CDS2: variants seen among roughly 807,000 people sequenced by gnomAD.
CDS2 encodes CDP-diacylglycerol synthase 2.
A neutral mutation model predicts 59.0 loss-of-function variants in CDS2; 47 were observed. That is an observed-to-expected ratio of 0.80 (90% CI 0.63 to 1.02). The LOEUF (loss-of-function observed/expected upper bound fraction) is 1.02. CDS2 is among the 50% of genes least tolerant of loss of function. CDS2 has a pLI of 0.00. For missense variants in CDS2, 356 were observed against 558.9 expected, an observed-to-expected ratio of 0.64 and a Z score of 3.66; for synonymous variants, 207 against 206.4, an observed-to-expected ratio of 1.00 and a Z score of -0.02.
chr20:5,153,857 C>CT (rs2090811701), intron 1 of CDS2, among the ~76,000 whole-genome samples: 1 of 152,156 alleles, frequency 6.6e-6, no homozygotes, highest in Non-Finnish European at 1.5e-5. Flanking sequence ...GTTTTTGTGA[C>CT]TGAGTCAGAG....
In CDS2 at chr20:5,193,296, A is replaced by T. The variant is rs1341284212; in HGVS notation, c.*3062A>T. On this transcript the variant is annotated 3_prime_UTR_variant, in exon 13 of 13. Transcript: ENST00000460006. ...CATTTTAGTAGCTACAGTATTTTGC[A>T]TTTAAAATGTAATTACTCTTAGTAT... 6.6e-6 allele frequency: 1 copy of T among 152,228 alleles called. No homozygotes were observed. Among genetic ancestry groups the T allele is most frequent in the Non-Finnish European group, 1.5e-5 (1 of 68,034 alleles). The allele number at this position is 152,228 out of a possible 1,614,324, so 9.4% of individuals were successfully genotyped here. A position where few individuals can be genotyped will look rare whatever the true frequency, so the allele number is the denominator to read the frequency against.
intron 1 of CDS2, among the ~76,000 whole-genome samples, chr20:5,163,073 G>A (rs2090886833): frequency 6.6e-6 from 1 of 152,164 alleles, no homozygotes; most frequent in South Asian, 2.1e-4. Context: ...GCCAGGTACT[G>A]TGGCTCATGC....
intron 1 of CDS2, among the ~76,000 whole-genome samples, chr20:5,161,864 A>C (rs936579352): frequency 1.3e-5 from 2 of 152,158 alleles, no homozygotes; most frequent in African/African-American, 4.8e-5. Context: ...CTTGGCCTCT[A>C]AGTAAAGTTT....
rs926429109 is a variant in CDS2, at chr20:5,192,868, C to T, written c.*2634C>T. The T allele has an allele frequency of 1.3e-5, 2 of 152,210 alleles. No homozygotes were observed. Among genetic ancestry groups the T allele is most frequent in the African/African-American group, 4.8e-5 (2 of 41,452 alleles). The allele number at this position is 152,210 out of a possible 1,614,324, so 9.4% of individuals were successfully genotyped here. A position where few individuals can be genotyped will look rare whatever the true frequency, so the allele number is the denominator to read the frequency against. On this transcript the variant is annotated 3_prime_UTR_variant, in exon 13 of 13. Coordinates refer to ENST00000460006, the MANE Select transcript of CDS2 (RefSeq NM_003818.4). ...CACCTTACCAGGCAGGGAGCTTCCCCAGGATAGTGTGGTGGAGTCAGGACT... is the reference window on the plus strand; with the variant it reads ...CACCTTACCAGGCAGGGAGCTTCCCTAGGATAGTGTGGTGGAGTCAGGACT...
chr20:5,168,439 G>GAAAA (rs11287231), intron 1 of CDS2, among the ~76,000 whole-genome samples: 6 of 136,566 alleles, frequency 4.4e-5, no homozygotes, highest in African/African-American at 1.1e-4. Flanking sequence ...AAAAAGAAAA[G>GAAAA]AAAAAAAAAA....
intron 1 of CDS2, among the ~76,000 whole-genome samples, chr20:5,145,800 A>C (rs999756710): frequency 6.8e-6 from 1 of 147,582 alleles, no homozygotes; most frequent in Admixed American, 6.8e-5. Flanking sequence ...GGAAGTTCCA[A>C]GTTGTGTGTT....
chr20:5,175,137 T>C (rs370000195), intron 2 of CDS2, 46 bp from the exon 3 acceptor site: 1 of 1,416,538 alleles, frequency 7.1e-7, no homozygotes, highest in Non-Finnish European at 1.0e-6. Flanking sequence ...GGTTTTTTTC[T>C]GGGCTCCTAA....
At chr20:5,183,331 T>A (rs560172570) in intron 7 of CDS2, among the ~76,000 whole-genome samples, 188 bp downstream of exon 7, 1 of 152,190 alleles carries the variant, frequency 6.6e-6, no homozygotes, top group African/African-American at 2.4e-5. Flanking sequence ...GCTTGAGAAT[T>A]TGAATTTCTA....
chr20:5,157,449 G>A (rs2090842005), intron 1 of CDS2, among the ~76,000 whole-genome samples: 1 of 152,172 alleles, frequency 6.6e-6, no homozygotes, highest in African/African-American at 2.4e-5. Context: ...AGGAGGAGTT[G>A]ATTGGCATAG....
intron 1 of CDS2, among the ~76,000 whole-genome samples, chr20:5,133,366 C>G (rs2090623468): frequency 6.6e-6 from 1 of 151,948 alleles, no homozygotes; most frequent in African/African-American, 2.4e-5. Context: ...ATCCTCCTAC[C>G]TCAGTCTCCT....
rs6053188 is a variant in CDS2 at position 5,193,393 on chromosome 20, C to T, written c.*3159C>T. On this transcript the variant is annotated 3_prime_UTR_variant, in exon 13 of 13. Transcript: ENST00000460006. The stretch of plus-strand genomic sequence containing the variant: ...CTAATCTCTTTCATTGGGGAGGATA[C>T]AACTTTTGACTTTACACAGGTGGAC... 77,563 of 152,078 alleles carry T rather than the reference C, an allele frequency of 0.51. 20,907 individuals are homozygous for T. The highest frequency in any genetic ancestry group is 0.68 in the African/African-American group (28,114 of 41,472). 9.4% of individuals were successfully genotyped at this position (152,078 alleles called of 1,614,324 possible).
intron 10 of CDS2, among the ~76,000 whole-genome samples, chr20:5,188,369 C>T (rs2091086169): frequency 6.6e-6 from 1 of 152,186 alleles, no homozygotes; most frequent in South Asian, 2.1e-4. Flanking sequence ...ATACCCAAAA[C>T]CATCTGAGGC....
chr20:5,144,851 C>G (rs2090726800), intron 1 of CDS2, among the ~76,000 whole-genome samples: 1 of 152,142 alleles, frequency 6.6e-6, no homozygotes, highest in African/African-American at 2.4e-5. Context: ...CCTTTCCCCT[C>G]TGGCTTGCAG....
At chr20:5,146,093 G>C (rs2090741358) in intron 1 of CDS2, among the ~76,000 whole-genome samples, 1 of 152,146 alleles carries the variant, frequency 6.6e-6, no homozygotes, top group African/African-American at 2.4e-5. Context: ...AAAATGTTGG[G>C]ATTACAGACA....
rs572249990 is a variant in CDS2 at position 5,182,493 on chromosome 20, G to A, written c.588+48G>A. 1.3e-4 allele frequency: 194 copies of A among 1,542,424 alleles called. No homozygotes were observed. In the South Asian group the frequency reaches 2.1e-3, roughly 17 times the overall value. On this transcript the variant is annotated intron_variant, in intron 6 of 12. Coordinates refer to ENST00000460006, the MANE Select transcript of CDS2 (RefSeq NM_003818.4). ...TGTCAGAATTCTTGATTTAAATGAA[G>A]TTTTTCAGGAACTCAACAAGCCTTT...
intron 10 of CDS2, among the ~76,000 whole-genome samples, chr20:5,188,811 A>G (rs896422810): frequency 6.6e-6 from 1 of 152,186 alleles, no homozygotes; most frequent in African/African-American, 2.4e-5. Flanking sequence ...AGGCAAAACC[A>G]GGGGCTTCAT....
At chr20:5,141,257 C>T (rs1437155407) in intron 1 of CDS2, among the ~76,000 whole-genome samples, 3 of 152,260 alleles carry the variant, frequency 2.0e-5, no homozygotes, top group African/African-American at 7.2e-5. Context: ...TCTGAACAGA[C>T]AGGCCTTGCT....
chr20:5,127,280 A>C, intron 1 of CDS2, 131 bp downstream of exon 1: 1 of 804,578 alleles, frequency 1.2e-6, no homozygotes, highest in East Asian at 3.5e-5. Context: ...GGGCCCGGGT[A>C]GCGCGAAGGG....
chr20:5,190,363 G>A lies in CDS2; in HGVS notation c.*129G>A, dbSNP rs1342333516. 6.8e-6 allele frequency: 6 copies of A among 884,950 alleles called. No homozygotes were observed. In the South Asian group the frequency reaches 1.1e-4, roughly 17 times the overall value. The allele number at this position is 884,950 out of a possible 1,614,324, so 54.8% of individuals were successfully genotyped here. On this transcript the variant is annotated 3_prime_UTR_variant, in exon 13 of 13. Coordinates refer to ENST00000460006, the MANE Select transcript of CDS2 (RefSeq NM_003818.4). ...TGTCTTTTTTTTTTTTTTTTGGAGGGTATTTTTTATTTGTGGGTTCAAAAA... is the reference window on the plus strand; with the variant it reads ...TGTCTTTTTTTTTTTTTTTTGGAGGATATTTTTTATTTGTGGGTTCAAAAA...
Sources: allele counts gnomAD v4.1 joint callset (sites outside exome capture counted in the v4.1 genomes callset), GRCh38; gene constraint gnomAD v4.1.1; transcripts MANE v1.5; gene names NCBI Gene and HGNC (gene_info 2026-07-23, HGNC 2026-07-21).